ABR: variants seen among roughly 807,000 people sequenced by gnomAD.
The protein encoded by ABR is active breakpoint cluster region-related protein.
ABR carries 35 observed loss-of-function variants against 107.2 expected under a neutral mutation model. The ratio of observed to expected loss-of-function variants is 0.33; its 90% CI spans 0.25 to 0.43. The LOEUF is 0.43. Ranked by LOEUF, ABR falls within the 20% of genes least tolerant of loss-of-function variation. The pLI is 1.00. For synonymous variants in ABR, 498 were observed against 462.0 expected, an observed-to-expected ratio of 1.08 and a Z score of -1.00; for missense variants, 815 against 1,115.2, an observed-to-expected ratio of 0.73 and a Z score of 3.83.
At chr17:1,033,280 G>A (rs1047943266) in intron 16 of ABR, among the ~76,000 whole-genome samples, 1 of 152,228 alleles carries the variant, frequency 6.6e-6, no homozygotes, top group Non-Finnish European at 1.5e-5. Flanking sequence ...TGGCTTCCCT[G>A]CAGAGACAGC....
At chr17:1,073,179 C>CA (rs35495689) in intron 7 of ABR, among the ~76,000 whole-genome samples, 12,719 of 52,108 alleles carry the variant, frequency 0.24, 1,401 homozygotes, top group Non-Finnish European at 0.29. Flanking sequence ...GACTCCGCCT[C>CA]AAAAAAAAAA....
At chr17:1,028,857 C>T (rs1033295861) in intron 16 of ABR, among the ~76,000 whole-genome samples, 1 of 152,034 alleles carries the variant, frequency 6.6e-6, no homozygotes, top group Non-Finnish European at 1.5e-5. Context: ...TCAACTTCCC[C>T]GACAGACAAA....
At chr17:1,173,848 C>CA (rs1410383936) in intron 1 of ABR, among the ~76,000 whole-genome samples, 2 of 152,208 alleles carry the variant, frequency 1.3e-5, no homozygotes, top group Non-Finnish European at 2.9e-5. Flanking sequence ...AGTCCTGTGC[C>CA]GGCCTCTCCC....
At chr17:1,164,648 T>G (rs1486475016) in intron 1 of ABR, among the ~76,000 whole-genome samples, 1 of 152,238 alleles carries the variant, frequency 6.6e-6, no homozygotes, top group African/African-American at 2.4e-5. Flanking sequence ...TACTATGTCC[T>G]AAGTTTTGTA....
intron 1 of ABR, among the ~76,000 whole-genome samples, chr17:1,215,859 T>A (rs2042992814): frequency 6.7e-6 from 1 of 149,690 alleles, no homozygotes; most frequent in Admixed American, 6.8e-5. Context: ...GGGATCCTGT[T>A]GATCTGTGAC....
chr17:1,062,327 A>C, intron 10 of ABR, among the ~76,000 whole-genome samples: 1 of 147,032 alleles, frequency 6.8e-6, no homozygotes, highest in South Asian at 2.2e-4. Context: ...CACTGTTGTT[A>C]TGTGAACTGA....
At chr17:1,077,628 C>G (rs2035838144) in intron 6 of ABR, among the ~76,000 whole-genome samples, 1 of 152,092 alleles carries the variant, frequency 6.6e-6, no homozygotes, top group Non-Finnish European at 1.5e-5. Flanking sequence ...GCCCCTCCAG[C>G]ACAGCCGCCC....
At chr17:1,218,559 C>T (rs2043056537) in intron 1 of ABR, among the ~76,000 whole-genome samples, 1 of 152,168 alleles carries the variant, frequency 6.6e-6, no homozygotes, top group Admixed American at 6.6e-5. Context: ...AGACCAGTGA[C>T]TCAATGTCTC....
intron 16 of ABR, chr17:1,031,657 G>T (rs924222609): frequency 6.4e-6 from 8 of 1,258,876 alleles, no homozygotes; most frequent in Non-Finnish European, 8.0e-6. Flanking sequence ...GTGTTGGGGG[G>T]GCGCTTGCTC....
intron 1 of ABR, among the ~76,000 whole-genome samples, chr17:1,205,865 C>T (rs1161703621): frequency 6.6e-6 from 1 of 152,036 alleles, no homozygotes; most frequent in African/African-American, 2.4e-5. Context: ...ATCACTTGAA[C>T]CAGGAGGTGG....
chr17:1,146,783 CCACT>C, intron 1 of ABR, among the ~76,000 whole-genome samples: 1 of 65,144 alleles, frequency 1.5e-5, no homozygotes, highest in South Asian at 5.7e-4. Flanking sequence ...CACCAGGCCA[CCACT>C]GCCACCATGC....
At chr17:1,173,751 G>A (rs1182463499) in intron 1 of ABR, among the ~76,000 whole-genome samples, 4 of 152,120 alleles carry the variant, frequency 2.6e-5, no homozygotes, top group Admixed American at 6.6e-5. Context: ...GGGCCTGTGC[G>A]GGAGCCGCTG....
Position 1,027,229 on chromosome 17 carries a change from C to T in ABR, c.1792-14065G>A, listed in dbSNP as rs144834295. On this transcript the variant is annotated intron_variant, in intron 16 of 22. Transcript: ENST00000302538. The surrounding 1 kb of genome is among the most constrained non-coding windows in gnomAD (Gnocchi z 4.7). The stretch of plus-strand genomic sequence containing the variant: ...CAGAGCCATCCAAAAGCTGGGGCAC[C>T]GCGCCCAGCACCGCTGGCTGGCCAA... Among the ~76,000 whole-genome samples the T allele has an allele frequency of 3.9e-4, 60 of 152,270 alleles. No homozygotes were observed. The East Asian group carries it at 4.6e-3, about 12-fold the overall frequency.
chr17:1,218,046 C>T (rs1156614298), intron 1 of ABR, among the ~76,000 whole-genome samples: 3 of 151,992 alleles, frequency 2.0e-5, no homozygotes, highest in Non-Finnish European at 4.4e-5. Flanking sequence ...GCCAGGCTGG[C>T]CTCGAACTCC....
intron 1 of ABR, among the ~76,000 whole-genome samples, chr17:1,134,166 A>G (rs1412945792): frequency 1.3e-5 from 2 of 152,172 alleles, no homozygotes. Flanking sequence ...TAATCCCAGC[A>G]CTTTGGGAGG....
intron 16 of ABR, among the ~76,000 whole-genome samples, chr17:1,044,442 G>C (rs2031239437): frequency 6.6e-6 from 1 of 152,150 alleles, no homozygotes; most frequent in Admixed American, 6.5e-5. Flanking sequence ...CTGAGCTCAG[G>C]AGTTTGAGAC....
In ABR at chr17:1,006,086, G is replaced by A. The variant is rs35089910; in HGVS notation, c.2574C>T (p.Asp858=). Reference sequence around the variant, plus strand: ...GCAGCCACCCTGCCTCGGGCTACACGTCGGTGGAGAAGTACAGTGTGTTCC... The same window carrying A: ...GCAGCCACCCTGCCTCGGGCTACACATCGGTGGAGAAGTACAGTGTGTTCC... ...LKRNTLYFST[D]V The change falls in exon 23 of 23, where the codon GAC becomes GAT. Residue 858 remains aspartate (D), a synonymous_variant. Transcript: ENST00000302538. 1.1e-3 allele frequency: 1,777 copies of A among 1,568,082 alleles called. 16 individuals are homozygous for A. In the African/African-American group the frequency reaches 0.02, roughly 18 times the overall value.
chr17:1,063,639 CGCT>C (rs2034321747), intron 10 of ABR, among the ~76,000 whole-genome samples: 1 of 31,388 alleles, frequency 3.2e-5, no homozygotes. Flanking sequence ...TTCCTCTAGA[CGCT>C]GCTGTTATGT....
intron 16 of ABR, among the ~76,000 whole-genome samples, chr17:1,015,063 CA>C: frequency 6.6e-6 from 1 of 152,208 alleles, no homozygotes; most frequent in South Asian, 2.1e-4. Flanking sequence ...CCAGAGACCA[CA>C]AGGCTCCAAA....
Sources: gnomAD v4.1 joint callset for allele counts (sites outside exome capture counted in the v4.1 genomes callset) on GRCh38, gnomAD v4.1.1 for gene constraint, Gnocchi (gnomAD v3.1) non-coding constraint, MANE v1.5 for transcripts, NCBI Gene and HGNC (gene_info 2026-07-23, HGNC 2026-07-21) for gene names.